The following CCDC171 variants were observed in gnomAD, a reference collection of about 807,000 sequenced individuals.
CCDC171 encodes coiled-coil domain containing 171, also known as coiled-coil domain-containing protein 171.
CCDC171 carries 177 observed loss-of-function variants against 168.2 expected under a neutral mutation model. The observed-to-expected ratio is 1.05, with a 90% CI of 0.93 to 1.19. The LOEUF (loss-of-function observed/expected upper bound fraction) is 1.19, where lower values mean the gene tolerates loss of function less well. CCDC171 is among the 50% of genes most tolerant of loss of function. The pLI is 0.00. For missense variants in CCDC171, 1,991 were observed against 1,539.0 expected, an observed-to-expected ratio of 1.29 and a Z score of -4.91; for synonymous variants, 687 against 540.8, an observed-to-expected ratio of 1.27 and a Z score of -3.75.
intron 8 of CCDC171, among the ~76,000 whole-genome samples, chr9:16,037,328 GC>G (rs1238464350): frequency 6.6e-6 from 1 of 152,180 alleles, no homozygotes; most frequent in Non-Finnish European, 1.5e-5. Context: ...AGGCCATGAT[GC>G]CATGCAATCA....
In CCDC171 at chr9:15,768,833, T is replaced by G. The variant is rs551577992; in HGVS notation, c.2672-8767T>G. Among the ~76,000 whole-genome samples, 66 of 152,354 alleles carry G rather than the reference T, an allele frequency of 4.3e-4. 1 individual carries two copies. The South Asian group carries it at 0.014, about 32-fold the overall frequency. ...AATGATGGTTAAATTGGTTAATGCA[T>G]GTAAGCAGTGCTTGATGTGTCACCT... On this transcript the variant is annotated intron_variant, in intron 18 of 25. Transcript: ENST00000380701.
intron 6 of CCDC171, among the ~76,000 whole-genome samples, chr9:16,024,600 C>A (rs1231306046): frequency 2.0e-5 from 3 of 152,254 alleles, no homozygotes; most frequent in African/African-American, 7.2e-5. Flanking sequence ...CTGTGTGCTA[C>A]TTTCTTGGAC....
the CCDC171 span, among the ~76,000 whole-genome samples, chr9:16,079,242 G>T: frequency 6.6e-6 from 1 of 152,168 alleles, no homozygotes; most frequent in Non-Finnish European, 1.5e-5. Flanking sequence ...GATCCCCAGT[G>T]GCCTGGTGTT....
At chr9:16,043,390 G>A (rs1317571823) in intron 1 of CCDC171, among the ~76,000 whole-genome samples, 2 of 152,008 alleles carry the variant, frequency 1.3e-5, no homozygotes, top group Non-Finnish European at 2.9e-5. Flanking sequence ...CATTTATTTG[G>A]GGTGTTGAAA....
chr9:15,661,383 T>A (rs1407029484), intron 8 of CCDC171, among the ~76,000 whole-genome samples: 1 of 152,170 alleles, frequency 6.6e-6, no homozygotes, highest in Non-Finnish European at 1.5e-5. Flanking sequence ...ATTAGGTTTT[T>A]CATTGTAGTT....
chr9:15,914,687 T>G (rs2131893448), intron 24 of CCDC171, among the ~76,000 whole-genome samples: 1 of 60,810 alleles, frequency 1.6e-5, no homozygotes, highest in South Asian at 6.3e-4. Flanking sequence ...CAGGTGACAA[T>G]GGGGTATGAA....
chr9:15,629,724 G>T (rs1417352956), intron 7 of CCDC171, among the ~76,000 whole-genome samples: 1 of 152,170 alleles, frequency 6.6e-6, no homozygotes, highest in Non-Finnish European at 1.5e-5. Context: ...ACACATAATT[G>T]TCAGATTCAC....
At chr9:15,788,238 A>T (rs968626589) in intron 21 of CCDC171, among the ~76,000 whole-genome samples, 2 of 152,218 alleles carry the variant, frequency 1.3e-5, no homozygotes, top group Non-Finnish European at 2.9e-5. Context: ...TGGGCAAATT[A>T]CTTAACCTTC....
upstream of CCDC171, among the ~76,000 whole-genome samples, chr9:16,038,246 G>A (rs1332812573): frequency 1.3e-5 from 2 of 152,088 alleles, no homozygotes; most frequent in Admixed American, 6.6e-5. Flanking sequence ...CACCAAAAAT[G>A]TAAAGTAGTT....
chr9:15,931,434 GTCTT>G lies in CCDC171; in HGVS notation c.3753+11034_3753+11037del, dbSNP rs1196672414. 3.4e-3 allele frequency among the ~76,000 whole-genome samples: 409 copies of G among 120,534 alleles called. 6 individuals carry two copies. The highest frequency in any genetic ancestry group is 0.011 in the African/African-American group (374 of 32,808). The allele number at this position is 120,534 out of a possible 152,430, so 79.1% of individuals were successfully genotyped here. The stretch of plus-strand genomic sequence containing the variant: ...GTCTTTTGCCTATTTTTAAATTGGG[GTCTT>G]TCTTTCTTTCTTTCTTTCTTTTTTT... On this transcript the variant is annotated intron_variant, in intron 25 of 25. Transcript: ENST00000380701.
intron 4 of CCDC171, among the ~76,000 whole-genome samples, chr9:15,589,066 G>A (rs540804239): frequency 6.6e-6 from 1 of 151,776 alleles, no homozygotes; most frequent in Non-Finnish European, 1.5e-5. Context: ...TGTTTTTTGA[G>A]GAAGGGACAT....
chr9:15,768,199 A>AAC (rs2056836101), intron 18 of CCDC171, among the ~76,000 whole-genome samples: 1 of 151,678 alleles, frequency 6.6e-6, no homozygotes, highest in African/African-American at 2.4e-5. Context: ...TCCTAAAAAA[A>AAC]AAAAACCCTA....
intron 21 of CCDC171, among the ~76,000 whole-genome samples, chr9:15,843,035 C>T (rs1215840846): frequency 2.0e-5 from 3 of 151,898 alleles, no homozygotes; most frequent in South Asian, 2.1e-4. Context: ...CATACTTTTC[C>T]TGCCAGCTTT....
At chr9:16,047,681 G>A (rs1833682593) in intron 1 of CCDC171, among the ~76,000 whole-genome samples, 1 of 152,234 alleles carries the variant, frequency 6.6e-6, no homozygotes, top group Non-Finnish European at 1.5e-5. Flanking sequence ...TAAGAGTCAG[G>A]AGCACGTGGA....
At chr9:15,974,388 G>A (rs1831559877), downstream of CCDC171, among the ~76,000 whole-genome samples, 2 of 152,106 alleles carry the variant, frequency 1.3e-5, no homozygotes, top group Admixed American at 6.6e-5. Flanking sequence ...AAGGACAGTT[G>A]CTGTATCAGC....
At chr9:15,706,043 G>C (rs947465529) in intron 11 of CCDC171, among the ~76,000 whole-genome samples, 5 of 152,172 alleles carry the variant, frequency 3.3e-5, no homozygotes, top group African/African-American at 1.2e-4. Flanking sequence ...ATGGATCATA[G>C]AAATGCCATC....
At chr9:15,663,927 T>G (rs2048521403) in intron 8 of CCDC171, among the ~76,000 whole-genome samples, 1 of 151,954 alleles carries the variant, frequency 6.6e-6, no homozygotes, top group South Asian at 2.1e-4. Context: ...TTTTAGTAGT[T>G]GTTTTGAAAA....
At chr9:16,105,396 G>T in the CCDC171 span, among the ~76,000 whole-genome samples, 1 of 152,136 alleles carries the variant, frequency 6.6e-6, no homozygotes, top group Non-Finnish European at 1.5e-5. Flanking sequence ...GCTGTTCCAT[G>T]TGTCACTTGG....
At chr9:15,977,555 C>T (rs565083846), downstream of CCDC171, among the ~76,000 whole-genome samples, 9 of 152,148 alleles carry the variant, frequency 5.9e-5, no homozygotes, top group Non-Finnish European at 1.0e-4. Context: ...ACATATAAAG[C>T]TTTGAAAACT....
Sources: allele counts gnomAD v4.1 joint callset (sites outside exome capture counted in the v4.1 genomes callset), GRCh38; gene constraint gnomAD v4.1.1; transcripts MANE v1.5; gene names NCBI Gene and HGNC (gene_info 2026-07-23, HGNC 2026-07-21).